Variants in SLX4IP observed in about 807,000 individuals in gnomAD.
The protein encoded by SLX4IP is protein SLX4IP.
Under a neutral mutation model 32.9 loss-of-function variants are expected in SLX4IP, and 34 were observed. The ratio of observed to expected loss-of-function variants is 1.03; its 90% CI spans 0.79 to 1.38. The LOEUF is 1.38. SLX4IP is among the 40% of genes most tolerant of loss of function. The pLI is 0.00. For missense variants in SLX4IP, 444 were observed against 479.0 expected (o/e 0.93, Z 0.68); for synonymous variants, 172 against 171.7 (o/e 1.00, Z -0.01).
intron 1 of SLX4IP, among the ~76,000 whole-genome samples, chr20:10,449,574 C>T (rs138333676): frequency 2.0e-3 from 302 of 152,294 alleles, no homozygotes; most frequent in African/African-American, 7.0e-3. Flanking sequence ...CTGTGAGATG[C>T]TGGCCTGGTC....
chr20:10,524,956 T>C (rs1436914652), intron 2 of SLX4IP, among the ~76,000 whole-genome samples: 1 of 152,190 alleles, frequency 6.6e-6, no homozygotes, highest in Non-Finnish European at 1.5e-5. Flanking sequence ...TAACAGCCAC[T>C]TAACTAGTAT....
At position 10,613,909 on chromosome 20, in the gene SLX4IP, G is replaced by C. The variant is rs1409660623; in HGVS notation, c.406-7405G>C. 5 of 1,406,230 alleles carry C rather than the reference G, an allele frequency of 3.6e-6. No individual in the cohort carries two copies. The Admixed American group carries it at 8.4e-5, about 24-fold the overall frequency. The allele number at this position is 1,406,230 out of a possible 1,614,324, so 87.1% of individuals were successfully genotyped here. On this transcript the variant is annotated intron_variant, in intron 6 of 7. Transcript: ENST00000334534. Reference sequence around the variant, plus strand: ...TCCTCTAAAGATATCTTTTTAAAGAGTAGCCGCCAATACGCCTCCCAGTCT... The same window carrying C: ...TCCTCTAAAGATATCTTTTTAAAGACTAGCCGCCAATACGCCTCCCAGTCT...
intron 1 of SLX4IP, among the ~76,000 whole-genome samples, chr20:10,457,840 CTT>C (rs111482953): frequency 6.9e-6 from 1 of 145,344 alleles, no homozygotes. Flanking sequence ...GCTTTTCTCT[CTT>C]TTTTTTTTTT....
chr20:10,579,013 T>C (rs2066553240), intron 4 of SLX4IP, among the ~76,000 whole-genome samples: 1 of 152,246 alleles, frequency 6.6e-6, no homozygotes, highest in Non-Finnish European at 1.5e-5. Flanking sequence ...TCTTCTCTTC[T>C]GTGGATTTTC....
intron 2 of SLX4IP, among the ~76,000 whole-genome samples, chr20:10,507,234 G>C (rs1052374440): frequency 6.6e-6 from 1 of 152,166 alleles, no homozygotes; most frequent in African/African-American, 2.4e-5. Flanking sequence ...GAGGATATGC[G>C]ATTTGAACTA....
intron 2 of SLX4IP, among the ~76,000 whole-genome samples, chr20:10,525,677 G>A (rs548158281): frequency 1.3e-5 from 2 of 152,098 alleles, no homozygotes; most frequent in East Asian, 3.9e-4. Context: ...GTCCTTCCAA[G>A]AAATATTTTC....
At chr20:10,451,780 A>C (rs953856465) in intron 1 of SLX4IP, among the ~76,000 whole-genome samples, 3 of 151,682 alleles carry the variant, frequency 2.0e-5, no homozygotes, top group Admixed American at 6.6e-5. Flanking sequence ...CAGCTTGGCC[A>C]ATATGGTGAA....
In SLX4IP at chr20:10,622,950, G is replaced by GCTT. The variant is rs1568780173; in HGVS notation, c.801_803dup (p.Leu268dup). ...ATCCTGGGGAGCGGTTAAAGACAGGGCTTCTAAGCAGGAGCCCCGTCTGTA... is the reference window on the plus strand; with the variant it reads ...ATCCTGGGGAGCGGTTAAAGACAGGGCTTCTTCTAAGCAGGAGCCCCGTCTGTA... On this transcript the variant is annotated inframe_insertion, in exon 8 of 8. Coordinates refer to ENST00000334534, the MANE Select transcript of SLX4IP (RefSeq NM_001009608.3). The GCTT allele has an allele frequency of 6.2e-7, 1 of 1,614,136 alleles. No homozygotes were observed. The highest frequency in any genetic ancestry group is 8.5e-7 in the Non-Finnish European group (1 of 1,180,042).
chr20:10,464,928 TACAGG>T (rs2065367700), intron 2 of SLX4IP, among the ~76,000 whole-genome samples: 1 of 152,182 alleles, frequency 6.6e-6, no homozygotes, highest in Non-Finnish European at 1.5e-5. Flanking sequence ...TAGCTGGGAC[TACAGG>T]CGGCACTGCC....
chr20:10,524,527 A>C (rs2065926320), intron 2 of SLX4IP, among the ~76,000 whole-genome samples: 1 of 152,250 alleles, frequency 6.6e-6, no homozygotes, highest in Non-Finnish European at 1.5e-5. Flanking sequence ...ATAGTCATAA[A>C]GAAGAGGTTT....
rs533311940 is a variant in SLX4IP, at chr20:10,543,641, C to T, written c.28-12590C>T. Among the ~76,000 whole-genome samples, 23 of 152,246 alleles carry T rather than the reference C, an allele frequency of 1.5e-4. 1 individual carries two copies. The South Asian group carries it at 4.6e-3, about 30-fold the overall frequency. ...AACGAGCAAAGCTGACTTCTGGTGT[C>T]CCAAGAAATCAAGGAAAGCAGGAAG... is the stretch of plus-strand genomic sequence containing the variant. On this transcript the variant is annotated intron_variant, in intron 2 of 7. Transcript: ENST00000334534.
chr20:10,457,272 G>T (rs186694879), intron 1 of SLX4IP, among the ~76,000 whole-genome samples: 1 of 152,034 alleles, frequency 6.6e-6, no homozygotes, highest in Non-Finnish European at 1.5e-5. Flanking sequence ...AAGAGCAGAC[G>T]TTTCATGTAA....
chr20:10,452,876 C>T (rs931792210), intron 1 of SLX4IP, among the ~76,000 whole-genome samples: 7 of 150,960 alleles, frequency 4.6e-5, no homozygotes, highest in Non-Finnish European at 1.0e-4. Flanking sequence ...AAATAAATAA[C>T]GTAAAAAATT....
chr20:10,478,805 T>G (rs2065495280), intron 2 of SLX4IP, among the ~76,000 whole-genome samples: 1 of 152,202 alleles, frequency 6.6e-6, no homozygotes, highest in African/African-American at 2.4e-5. Context: ...TGTAAAAGCT[T>G]AATGAATCTG....
chr20:10,520,647 C>T (rs1411284271), intron 2 of SLX4IP, among the ~76,000 whole-genome samples: 1 of 152,058 alleles, frequency 6.6e-6, no homozygotes, highest in African/African-American at 2.4e-5. Flanking sequence ...AGTTTTCATT[C>T]TTAAATTTAG....
chr20:10,478,194 C>T (rs1323039692), intron 2 of SLX4IP, among the ~76,000 whole-genome samples: 3 of 152,162 alleles, frequency 2.0e-5, no homozygotes, highest in South Asian at 2.1e-4. Context: ...CCACCGCGCC[C>T]GGCCAAGCTC....
Position 10,622,748 on chromosome 20 carries a change from CAG to C in SLX4IP, c.600_601del (p.Glu200AspfsTer7). The C allele has an allele frequency of 6.2e-7, 1 of 1,614,140 alleles. No individual in the cohort carries two copies. Among genetic ancestry groups the C allele is most frequent in the Non-Finnish European group, 8.5e-7 (1 of 1,180,024 alleles). ...GAAACATCTAGTGACTCAGTGATTG[CAG>C]AGATAGCAAGGAGGAGGAATGATGG... On this transcript the variant is annotated frameshift_variant, in exon 8 of 8. Coordinates refer to ENST00000334534, the MANE Select transcript of SLX4IP (RefSeq NM_001009608.3). LOFTEE classifies it high-confidence loss of function.
intron 2 of SLX4IP, among the ~76,000 whole-genome samples, chr20:10,492,193 T>C (rs1320527809): frequency 6.6e-6 from 1 of 152,182 alleles, no homozygotes; most frequent in Non-Finnish European, 1.5e-5. Context: ...CTTGGGTGTG[T>C]GAATAGGGAG....
At chr20:10,507,005 C>T (rs1452499041) in intron 2 of SLX4IP, among the ~76,000 whole-genome samples, 2 of 152,184 alleles carry the variant, frequency 1.3e-5, no homozygotes, top group Middle Eastern at 3.2e-3. Context: ...CCTTCATCAC[C>T]TCACATTTTG....
Sources: allele counts gnomAD v4.1 joint callset (sites outside exome capture counted in the v4.1 genomes callset), GRCh38; gene constraint gnomAD v4.1.1; transcripts MANE v1.5; gene names NCBI Gene and HGNC (gene_info 2026-07-23, HGNC 2026-07-21).